The following KCNMA1 variants were observed in gnomAD, a reference collection of about 807,000 sequenced individuals.
The protein encoded by KCNMA1 is Calcium-activated potassium channel subunit alpha-1.
Under a neutral mutation model 140.0 loss-of-function variants are expected in KCNMA1, and 29 were observed. That is an observed-to-expected ratio of 0.21 (90% CI 0.15 to 0.28). The LOEUF is 0.28. Ranked by LOEUF, KCNMA1 falls within the 10% of genes least tolerant of loss-of-function variation. The pLI is 1.00. For missense variants in KCNMA1, 880 were observed against 1,602.2 expected (o/e 0.55, Z 7.70); for synonymous variants, 612 against 611.9 (o/e 1.00, Z 0.00).
intron 5 of KCNMA1, among the ~76,000 whole-genome samples, chr10:77,123,215 A>AAAAAG (rs2097662227): frequency 2.2e-5 from 3 of 138,634 alleles, no homozygotes; most frequent in African/African-American, 8.0e-5. Flanking sequence ...AAAAAAAAAA[A>AAAAAG]GTGTTAAACA....
chr10:77,520,388 C>G (rs1463877106), intron 1 of KCNMA1, among the ~76,000 whole-genome samples: 1 of 151,792 alleles, frequency 6.6e-6, no homozygotes, highest in African/African-American at 2.4e-5. Context: ...TCCAACTTTA[C>G]CAGGTGTGTG....
intron 23 of KCNMA1, among the ~76,000 whole-genome samples, chr10:76,942,135 C>A (rs1422015906): frequency 3.3e-5 from 5 of 152,130 alleles, no homozygotes; most frequent in Non-Finnish European, 7.4e-5. Context: ...CCATGCCTGG[C>A]TAACTTTTTT....
chr10:77,327,911 A>AC (rs1276037179), intron 2 of KCNMA1, among the ~76,000 whole-genome samples: 1 of 152,140 alleles, frequency 6.6e-6, no homozygotes, highest in African/African-American at 2.4e-5. Flanking sequence ...TGTCAACACA[A>AC]CCCCAGGAAA....
intron 5 of KCNMA1, chr10:77,140,186 C>G (rs754154977): frequency 7.2e-5 from 11 of 152,670 alleles, no homozygotes; most frequent in Admixed American, 3.9e-4. Context: ...CTCCACTAGA[C>G]AGTTCCCCAA....
intron 19 of KCNMA1, among the ~76,000 whole-genome samples, chr10:76,985,987 AC>A (rs1484068662): frequency 1.3e-5 from 2 of 152,222 alleles, no homozygotes; most frequent in African/African-American, 2.4e-5. Context: ...CTCACTTGAA[AC>A]AAATAAACCT....
At chr10:77,337,948 G>A (rs910895476) in intron 2 of KCNMA1, among the ~76,000 whole-genome samples, 3 of 152,204 alleles carry the variant, frequency 2.0e-5, no homozygotes, top group Admixed American at 2.0e-4. Flanking sequence ...GGCTCCAGAA[G>A]CAGGGGTTTC....
downstream of KCNMA1, chr10:76,874,582 A>G (rs1205455304): frequency 6.6e-6 from 1 of 152,192 alleles, no homozygotes; most frequent in Non-Finnish European, 1.5e-5. Flanking sequence ...TCTCCTTTCA[A>G]CATGAAAAAG....
intron 1 of KCNMA1, among the ~76,000 whole-genome samples, chr10:77,573,588 T>A (rs985893086): frequency 6.6e-6 from 1 of 151,214 alleles, no homozygotes; most frequent in African/African-American, 2.4e-5. Context: ...TAACAGGTTA[T>A]AAGCAATTAT....
chr10:77,274,146 A>G (rs2065957418), intron 2 of KCNMA1, among the ~76,000 whole-genome samples: 1 of 152,172 alleles, frequency 6.6e-6, no homozygotes, highest in Non-Finnish European at 1.5e-5. Context: ...ATGACAAGCC[A>G]TAAAAGATTT....
At chr10:77,550,014 A>C (rs2062381245) in intron 1 of KCNMA1, among the ~76,000 whole-genome samples, 1 of 152,240 alleles carries the variant, frequency 6.6e-6, no homozygotes, top group Non-Finnish European at 1.5e-5. Flanking sequence ...GATGCTAAGA[A>C]GGGAGCAAGA....
At chr10:77,528,346 T>C (rs2056516892) in intron 1 of KCNMA1, among the ~76,000 whole-genome samples, 1 of 152,162 alleles carries the variant, frequency 6.6e-6, no homozygotes, top group Non-Finnish European at 1.5e-5. Flanking sequence ...CAGTGGTTCA[T>C]GCCTGTAATC....
rs556346842 is a variant in KCNMA1, at chr10:77,390,359, CAG to C, written c.540+13501_540+13502del. Among the ~76,000 whole-genome samples, 147 of 152,318 alleles carry C rather than the reference CAG, an allele frequency of 9.7e-4. 1 individual carries two copies. Among genetic ancestry groups the C allele is most frequent in the Admixed American group, 5.6e-3 (85 of 15,300 alleles). On this transcript the variant is annotated intron_variant, in intron 2 of 27. Coordinates refer to ENST00000286628, the MANE Select transcript of KCNMA1 (RefSeq NM_001161352.2). ...AACACTGTCATGAATCCCCAAGGGC[CAG>C]AGAGACACACAGCATAGACCAAGGT...
intron 19 of KCNMA1, among the ~76,000 whole-genome samples, chr10:76,997,685 A>G (rs2084834113): frequency 6.6e-6 from 1 of 152,242 alleles, no homozygotes; most frequent in Admixed American, 6.5e-5. Flanking sequence ...AATCGTACTG[A>G]TTGGAATCTA....
intron 1 of KCNMA1, among the ~76,000 whole-genome samples, chr10:77,588,575 C>T (rs929126857): frequency 6.6e-6 from 1 of 152,204 alleles, no homozygotes; most frequent in Non-Finnish European, 1.5e-5. Context: ...ACAGAGGTCC[C>T]GTGCTAGGCC....
Position 77,201,256 on chromosome 10 carries a change from CAG to C in KCNMA1, c.603-16342_603-16341del, listed in dbSNP as rs566645616. Among the ~76,000 whole-genome samples, 258 of 152,270 alleles carry C rather than the reference CAG, an allele frequency of 1.7e-3. No individual in the cohort carries two copies. In the Middle Eastern group the frequency reaches 0.02, roughly 12 times the overall value. On this transcript the variant is annotated intron_variant, in intron 3 of 27. Coordinates refer to ENST00000286628, the MANE Select transcript of KCNMA1 (RefSeq NM_001161352.2). ...GTACCCTATGTTGGTAAATCAGAAA[CAG>C]GAAAGTTCTGTCTGTGTGCTGCTGT...
At chr10:77,161,909 G>A (rs2098557981) in intron 5 of KCNMA1, among the ~76,000 whole-genome samples, 1 of 152,174 alleles carries the variant, frequency 6.6e-6, no homozygotes, top group Non-Finnish European at 1.5e-5. Flanking sequence ...CTGAAATTGT[G>A]TCTTACATTT....
At chr10:77,636,101 G>T in intron 1 of KCNMA1, 1 of 760,234 alleles carries the variant, frequency 1.3e-6, no homozygotes, top group Non-Finnish European at 1.9e-6. Context: ...TATCTACCCT[G>T]CACTATTCCC....
At chr10:77,116,708 T>C (rs998126024) in intron 6 of KCNMA1, among the ~76,000 whole-genome samples, 4 of 152,128 alleles carry the variant, frequency 2.6e-5, no homozygotes, top group African/African-American at 9.7e-5. Context: ...TCCCTTCTTC[T>C]TTCTCTGCCC....
chr10:77,177,721 A>C (rs187411206), intron 5 of KCNMA1, among the ~76,000 whole-genome samples: 92 of 152,132 alleles, frequency 6.0e-4, no homozygotes, highest in African/African-American at 2.0e-3. Flanking sequence ...ACTGAGCCCC[A>C]GCCTCTCACA....
Sources: allele counts gnomAD v4.1 joint callset (sites outside exome capture counted in the v4.1 genomes callset), GRCh38; gene constraint gnomAD v4.1.1; transcripts MANE v1.5; gene names NCBI Gene and HGNC (gene_info 2026-07-23, HGNC 2026-07-21).